PCDH15: variants seen among roughly 807,000 people sequenced by gnomAD.
The protein encoded by PCDH15 is protocadherin-15.
PCDH15 carries 129 observed loss-of-function variants against 178.5 expected under a neutral mutation model. The ratio of observed to expected loss-of-function variants is 0.72; its 90% CI spans 0.63 to 0.84. The LOEUF (loss-of-function observed/expected upper bound fraction) is 0.84. PCDH15 is among the 40% of genes least tolerant of loss of function. The probability of loss-of-function intolerance (pLI) is 0.00; values close to 1 mark genes in which losing one functional copy is unlikely to be tolerated. For synonymous variants in PCDH15, 800 were observed against 732.0 expected, an observed-to-expected ratio of 1.09 and a Z score of -1.50; for missense variants, 2,230 against 2,099.9, an observed-to-expected ratio of 1.06 and a Z score of -1.21.
At chr10:55,292,673 C>T (rs527336976) in intron 1 of PCDH15, among the ~76,000 whole-genome samples, 15 of 152,314 alleles carry the variant, frequency 9.8e-5, no homozygotes, top group African/African-American at 2.4e-4. Context: ...TGAGCCACCA[C>T]ACCCGTCCCA....
intron 3 of PCDH15, among the ~76,000 whole-genome samples, chr10:54,446,934 A>G (rs1192191857): frequency 2.0e-5 from 3 of 151,628 alleles, no homozygotes. Flanking sequence ...CTAACTGTTG[A>G]GACCCAGAAG....
intron 1 of PCDH15, among the ~76,000 whole-genome samples, chr10:55,231,555 A>T (rs1359341249): frequency 6.6e-6 from 1 of 152,068 alleles, no homozygotes; most frequent in Non-Finnish European, 1.5e-5. Context: ...ATTCCAATGA[A>T]ATGAGAAATG....
At chr10:54,898,831 A>T (rs2131823171) in intron 2 of PCDH15, among the ~76,000 whole-genome samples, 1 of 152,288 alleles carries the variant, frequency 6.6e-6, no homozygotes, top group East Asian at 1.9e-4. Context: ...ATGTCCATTT[A>T]AAAAATACAA....
At position 53,930,176 on chromosome 10, in the gene PCDH15, C is replaced by T. The variant is rs561842174; in HGVS notation, c.3373+8639G>A. Among the ~76,000 whole-genome samples, 20 of 152,078 alleles carry T rather than the reference C, an allele frequency of 1.3e-4. 1 individual carries two copies. The South Asian group carries it at 2.9e-3, about 22-fold the overall frequency. ...AATGTATTAGAAATAGCAACGCATT[C>T]GGCTGGGCGCGGTGGTTCACGCCTG... On this transcript the variant is annotated intron_variant, in intron 25 of 37. Coordinates refer to ENST00000644397, the MANE Select transcript of PCDH15 (RefSeq NM_001384140.1).
chr10:55,121,361 G>A (rs925828632), intron 2 of PCDH15, among the ~76,000 whole-genome samples: 7 of 150,742 alleles, frequency 4.6e-5, no homozygotes, highest in African/African-American at 1.7e-4. Flanking sequence ...TCAGAGCTGG[G>A]GGGGGGCAAT....
chr10:54,890,626 G>A (rs1353615476), intron 3 of PCDH15, among the ~76,000 whole-genome samples: 1 of 151,950 alleles, frequency 6.6e-6, no homozygotes, highest in East Asian at 1.9e-4. Flanking sequence ...TCCTCATGAA[G>A]GTAAGGACAG....
At chr10:54,532,532 C>T (rs1008199616) in intron 2 of PCDH15, among the ~76,000 whole-genome samples, 11 of 152,092 alleles carry the variant, frequency 7.2e-5, no homozygotes, top group Admixed American at 5.2e-4. Flanking sequence ...CTATTCCTCA[C>T]GGTTGTGTCC....
intron 3 of PCDH15, among the ~76,000 whole-genome samples, chr10:54,423,593 C>G (rs1261753631): frequency 6.6e-6 from 1 of 151,624 alleles, no homozygotes; most frequent in Non-Finnish European, 1.5e-5. Flanking sequence ...TAATCCGAAG[C>G]CAAAAAAAGT....
rs1033865514 is a variant in PCDH15 at position 54,494,249 on chromosome 10, A to T, written c.157+33563T>A. Among the ~76,000 whole-genome samples, 26 of 151,344 alleles carry T rather than the reference A, an allele frequency of 1.7e-4. 1 individual carries two copies. Among genetic ancestry groups the T allele is most frequent in the Admixed American group, 4.6e-4 (7 of 15,208 alleles). ...GTATAATAATAAAATAATAATAATA[A>T]AAAGAAACTCCCCCACCCTTTTGTA... On this transcript the variant is annotated intron_variant, in intron 3 of 37. Coordinates refer to ENST00000644397, the MANE Select transcript of PCDH15 (RefSeq NM_001384140.1).
intron 3 of PCDH15, among the ~76,000 whole-genome samples, chr10:54,830,664 A>G (rs1453260728): frequency 3.9e-5 from 6 of 151,942 alleles, no homozygotes; most frequent in South Asian, 4.2e-4. Flanking sequence ...CAGCACAACA[A>G]CATGGCACAT....
intron 1 of PCDH15, among the ~76,000 whole-genome samples, chr10:55,221,301 A>G (rs1464050427): frequency 6.6e-6 from 1 of 152,092 alleles, no homozygotes; most frequent in African/African-American, 2.4e-5. Context: ...GTGCTGTTGA[A>G]TGTCTAGGCT....
At chr10:55,609,613 C>A (rs1233165091) in intron 2 of PCDH15, among the ~76,000 whole-genome samples, 1 of 152,002 alleles carries the variant, frequency 6.6e-6, no homozygotes, top group African/African-American at 2.4e-5. Context: ...TCCAAATATT[C>A]AAGTTCATGT....
intron 3 of PCDH15, among the ~76,000 whole-genome samples, chr10:54,392,961 T>A (rs1183562543): frequency 6.6e-6 from 1 of 150,676 alleles, no homozygotes; most frequent in Non-Finnish European, 1.5e-5. Context: ...CTAGTCAGAG[T>A]ATGGCTAAGG....
intron 2 of PCDH15, among the ~76,000 whole-genome samples, chr10:55,457,385 GTGTACCAGATCA>G (rs1336471943): frequency 6.6e-6 from 1 of 151,480 alleles, no homozygotes; most frequent in African/African-American, 2.4e-5. Flanking sequence ...ATGATTTTTT[GTGTACCAGATCA>G]TGTACTCTTA....
chr10:54,732,230 C>A (rs564685854), intron 1 of PCDH15, among the ~76,000 whole-genome samples: 1 of 151,156 alleles, frequency 6.6e-6, no homozygotes, highest in African/African-American at 2.4e-5. Flanking sequence ...AGACTTCTAG[C>A]TAAATGATCG....
intron 2 of PCDH15, among the ~76,000 whole-genome samples, chr10:54,561,002 C>G (rs2088065958): frequency 6.6e-6 from 1 of 151,974 alleles, no homozygotes; most frequent in Non-Finnish European, 1.5e-5. Flanking sequence ...TTTTCTTTTT[C>G]ACTGGATTAG....
intron 2 of PCDH15, among the ~76,000 whole-genome samples, chr10:55,587,212 T>C (rs1045414682): frequency 2.0e-5 from 3 of 152,100 alleles, no homozygotes; most frequent in African/African-American, 7.2e-5. Flanking sequence ...AGATAAACAT[T>C]TTTATAATCA....
At chr10:53,970,455 A>T (rs375087437) in intron 21 of PCDH15, among the ~76,000 whole-genome samples, 5 of 152,214 alleles carry the variant, frequency 3.3e-5, no homozygotes, top group African/African-American at 1.2e-4. Flanking sequence ...ACTGAAGGAG[A>T]CAGAGAAACA....
chr10:53,893,697 G>A lies in PCDH15; in HGVS notation c.3501+9546C>T, dbSNP rs532498094. ...ATTCTAAGTGAAGTAACTCAGGAAT[G>A]GAAAACCAAATACTGTATGTTCTCA... On this transcript the variant is annotated intron_variant, in intron 26 of 37. Transcript: ENST00000644397. Among the ~76,000 whole-genome samples the A allele has an allele frequency of 2.6e-5, 4 of 152,256 alleles. No homozygotes were observed. The East Asian group carries it at 5.8e-4, about 22-fold the overall frequency.
Sources: allele counts gnomAD v4.1 joint callset (sites outside exome capture counted in the v4.1 genomes callset), GRCh38; gene constraint gnomAD v4.1.1; transcripts MANE v1.5; gene names NCBI Gene and HGNC (gene_info 2026-07-23, HGNC 2026-07-21).